Variants in TEX11 observed in about 807,000 individuals in gnomAD.
TEX11 encodes testis expressed 11.
Under a neutral mutation model 84.4 loss-of-function variants are expected in TEX11, and 7 were observed. That is an observed-to-expected ratio of 0.08 (90% CI 0.05 to 0.16). The LOEUF (loss-of-function observed/expected upper bound fraction) is 0.16, where lower values mean the gene tolerates loss of function less well. TEX11 is among the 10% of genes least tolerant of loss of function. TEX11 has a pLI of 1.00. For synonymous variants in TEX11, 264 were observed against 222.8 expected (o/e 1.18, Z -1.64); for missense variants, 551 against 660.5 (o/e 0.83, Z 1.82).
intron 3 of TEX11, among the ~76,000 whole-genome samples, chrX:70,876,473 A>G (rs889201437): frequency 1.9e-5 from 2 of 105,061 alleles, no homozygotes; most frequent in Non-Finnish European, 2.0e-5. Flanking sequence ...ATATATATTA[A>G]GCACCTAAGA....
chrX:70,560,870 C>G (rs2088359729), intron 25 of TEX11, among the ~76,000 whole-genome samples: 1 of 99,877 alleles, frequency 1.0e-5, no homozygotes, highest in Non-Finnish European at 2.0e-5. Context: ...CCACTGTGAC[C>G]ACAGGTGCAT....
At chrX:70,712,345 A>G (rs947475352) in intron 13 of TEX11, among the ~76,000 whole-genome samples, 7 of 111,645 alleles carry the variant, frequency 6.3e-5, no homozygotes, top group African/African-American at 2.3e-4. Context: ...TGGTAGCTTG[A>G]TGGGGATTGC....
At chrX:70,664,695 T>G (rs2089961663) in intron 16 of TEX11, among the ~76,000 whole-genome samples, 1 of 110,542 alleles carries the variant, frequency 9.0e-6, no homozygotes, top group African/African-American at 3.3e-5. Context: ...ATTAGGCATT[T>G]AATATTTGTT....
chrX:70,696,442 C>T (rs886481152), intron 13 of TEX11, among the ~76,000 whole-genome samples: 1 of 111,693 alleles, frequency 9.0e-6, no homozygotes. Flanking sequence ...TTTTCTATTG[C>T]TGTTGTAAAA....
chrX:70,901,228 G>A (rs751768363), intron 2 of TEX11, among the ~76,000 whole-genome samples: 36 of 111,303 alleles, frequency 3.2e-4, no homozygotes, highest in Non-Finnish European at 1.1e-4. Flanking sequence ...TGAGGGATTT[G>A]GGGGGCAAAA....
intron 13 of TEX11, among the ~76,000 whole-genome samples, chrX:70,714,086 G>A (rs781541534): frequency 0.057 from 6,367 of 111,252 alleles, 147 homozygotes; most frequent in East Asian, 0.12. Flanking sequence ...TTCAGTTTCT[G>A]TGTAGTTGAG....
chrX:70,567,733 C>G (rs1315756753), intron 25 of TEX11, among the ~76,000 whole-genome samples: 3 of 111,393 alleles, frequency 2.7e-5, no homozygotes, highest in Non-Finnish European at 5.6e-5. Context: ...GTTTCTTAAT[C>G]CTGAGTTCTA....
intron 9 of TEX11, among the ~76,000 whole-genome samples, chrX:70,749,157 C>T (rs1015640096): frequency 1.9e-5 from 2 of 107,681 alleles, no homozygotes; most frequent in African/African-American, 3.4e-5. Context: ...AGTTGGATTC[C>T]TAGGTATTTT....
chrX:70,658,204 C>T (rs1372567779), intron 16 of TEX11, among the ~76,000 whole-genome samples: 1 of 111,588 alleles, frequency 9.0e-6, no homozygotes, highest in Non-Finnish European at 1.9e-5. Flanking sequence ...CACCTGAGGT[C>T]AGGAGTTCCG....
chrX:70,661,740 T>C (rs2089929824), intron 16 of TEX11, among the ~76,000 whole-genome samples: 1 of 111,744 alleles, frequency 8.9e-6, no homozygotes. Context: ...GCCTCCGCTC[T>C]GATACCCAGG....
chrX:70,812,145 A>T (rs1359429024), intron 8 of TEX11, among the ~76,000 whole-genome samples: 1 of 111,176 alleles, frequency 9.0e-6, no homozygotes, highest in Non-Finnish European at 1.9e-5. Context: ...TCTTCTAGGC[A>T]ATACCATTCT....
intron 13 of TEX11, among the ~76,000 whole-genome samples, chrX:70,683,891 A>C (rs2090166461): frequency 9.0e-6 from 1 of 110,988 alleles, no homozygotes; most frequent in Non-Finnish European, 1.9e-5. Context: ...TCATCAAATT[A>C]TTTGTGACAA....
chrX:70,636,897 G>A (rs2089582144), intron 17 of TEX11, among the ~76,000 whole-genome samples: 1 of 111,831 alleles, frequency 8.9e-6, no homozygotes, highest in African/African-American at 3.3e-5. Context: ...TCCTTGATAG[G>A]CCAATAAAGT....
chrX:70,876,386 C>A (rs1244476293), intron 3 of TEX11, among the ~76,000 whole-genome samples: 1 of 111,161 alleles, frequency 9.0e-6, no homozygotes, highest in Non-Finnish European at 1.9e-5. Flanking sequence ...CTTGTATTTT[C>A]TCATATTGTG....
Position 70,529,967 on chromosome X carries a change from C to A in TEX11, c.2553G>T (p.Leu851=), listed in dbSNP as rs1445582867. 3 of 1,209,730 alleles carry A rather than the reference C, an allele frequency of 2.5e-6. No individual in the cohort carries two copies. The change falls in exon 29 of 30, where the codon CTG becomes CTT. Residue 851 remains leucine (L), a synonymous_variant. Transcript: ENST00000374333. ...KDYPEMEILW[L]MVKSWNTGVL... ...CTCCGGTATTCCAGGACTTGACCAT[C>A]AGCCAGAGAATCTCCATTTCTGGGT... is the stretch of plus-strand genomic sequence containing the variant.
chrX:70,584,706 G>T (rs749807285), intron 25 of TEX11, among the ~76,000 whole-genome samples: 6 of 111,934 alleles, frequency 5.4e-5, no homozygotes, highest in African/African-American at 1.6e-4. Flanking sequence ...AATCTGATTA[G>T]GTGTGATTTA....
intron 15 of TEX11, among the ~76,000 whole-genome samples, chrX:70,677,781 A>G (rs1445159490): frequency 9.8e-6 from 1 of 102,043 alleles, no homozygotes; most frequent in Non-Finnish European, 2.0e-5. Context: ...CACAATTGTA[A>G]TGCTCACTTT....
At chrX:70,674,878 C>T (rs1603211492) in intron 15 of TEX11, among the ~76,000 whole-genome samples, 2 of 108,989 alleles carry the variant, frequency 1.8e-5, no homozygotes, top group South Asian at 3.9e-4. Flanking sequence ...TTTTTTGATC[C>T]GTCTTTCCTT....
intron 7 of TEX11, among the ~76,000 whole-genome samples, chrX:70,840,056 C>T (rs1371972453): frequency 1.8e-5 from 2 of 111,936 alleles, no homozygotes; most frequent in African/African-American, 6.5e-5. Flanking sequence ...AAACACTCTG[C>T]AGGATATTAT....
Sources: allele counts gnomAD v4.1 joint callset (sites outside exome capture counted in the v4.1 genomes callset), GRCh38; gene constraint gnomAD v4.1.1; transcripts MANE v1.5; gene names NCBI Gene and HGNC (gene_info 2026-07-23, HGNC 2026-07-21).